GSK3B: variants seen among roughly 807,000 people sequenced by gnomAD.
GSK3B encodes the protein glycogen synthase kinase 3 beta.
In GSK3B, 15 loss-of-function variants were observed where a neutral mutation model predicts 56.4. That is an observed-to-expected ratio of 0.27 (90% CI 0.18 to 0.41). The LOEUF is 0.41. Among genes scored for constraint, GSK3B ranks in the 10% least tolerant of loss-of-function variants. The pLI is 1.00. For missense variants in GSK3B, 300 were observed against 513.4 expected, an observed-to-expected ratio of 0.58 and a Z score of 4.02; for synonymous variants, 181 against 188.9, an observed-to-expected ratio of 0.96 and a Z score of 0.34.
chr3:119,993,295 G>A (rs906537626), intron 2 of GSK3B, among the ~76,000 whole-genome samples: 2 of 151,986 alleles, frequency 1.3e-5, no homozygotes, highest in African/African-American at 4.8e-5. Context: ...CTAGATTTCT[G>A]ACTTTTGGAA....
chr3:119,902,657 A>T (rs1474263119), intron 7 of GSK3B, among the ~76,000 whole-genome samples: 1 of 152,156 alleles, frequency 6.6e-6, no homozygotes, highest in Non-Finnish European at 1.5e-5. Flanking sequence ...TCGGCCTCCC[A>T]AAGTGTTGGG....
Position 120,093,560 on chromosome 3 carries a change from C to T in GSK3B, c.-126G>A, listed in dbSNP as rs2058533069. 1 of 638,938 alleles carries T rather than the reference C, an allele frequency of 1.6e-6. No homozygotes were observed. The highest frequency in any genetic ancestry group is 1.9e-5 in the South Asian group (1 of 53,806). The allele number at this position is 638,938 out of a possible 1,614,324, so 39.6% of individuals were successfully genotyped here. A position where few individuals can be genotyped will look rare whatever the true frequency, so the allele number is the denominator to read the frequency against. ...CTCCCACAGAAGAAAAAGAAAAAGACTTCGTCCTCTTGGCTTTTCACTCCT... is the reference window on the plus strand; with the variant it reads ...CTCCCACAGAAGAAAAAGAAAAAGATTTCGTCCTCTTGGCTTTTCACTCCT... On this transcript the variant is annotated 5_prime_UTR_variant, in exon 1 of 11. Coordinates refer to ENST00000264235, the MANE Select transcript of GSK3B (RefSeq NM_001146156.2).
chr3:120,028,360 C>T, intron 1 of GSK3B, among the ~76,000 whole-genome samples: 1 of 152,192 alleles, frequency 6.6e-6, no homozygotes, highest in Non-Finnish European at 1.5e-5. Flanking sequence ...ACAGATTTAC[C>T]TCACGAGAAA....
At chr3:120,090,231 A>AT (rs1491584085) in intron 1 of GSK3B, among the ~76,000 whole-genome samples, 1 of 38,492 alleles carries the variant, frequency 2.6e-5, no homozygotes, top group Non-Finnish European at 4.0e-5. Flanking sequence ...AGCTGTATAT[A>AT]AAAAAAAAAA....
chr3:119,966,755 T>C (rs956580122), intron 2 of GSK3B, among the ~76,000 whole-genome samples: 3 of 152,200 alleles, frequency 2.0e-5, no homozygotes, highest in Non-Finnish European at 4.4e-5. Context: ...TTATAAAATG[T>C]AACCTATCTT....
At chr3:119,953,127 T>C (rs1318788323) in intron 2 of GSK3B, among the ~76,000 whole-genome samples, 1 of 152,154 alleles carries the variant, frequency 6.6e-6, no homozygotes, top group Non-Finnish European at 1.5e-5. Flanking sequence ...AGGTCAGTAT[T>C]AACCTAAAGT....
chr3:119,827,723 CAGAG>C (rs903475254), intron 10 of GSK3B, among the ~76,000 whole-genome samples: 8 of 151,292 alleles, frequency 5.3e-5, no homozygotes, highest in African/African-American at 1.7e-4. Flanking sequence ...ATAAGCCAGA[CAGAG>C]AAAGACAAAC....
intron 2 of GSK3B, among the ~76,000 whole-genome samples, chr3:119,950,610 T>C (rs1046734386): frequency 7.2e-5 from 11 of 152,126 alleles, no homozygotes; most frequent in African/African-American, 2.7e-4. Flanking sequence ...CACAGGGTCC[T>C]AAGGGGTTAG....
chr3:120,046,606 T>C (rs2058105030), intron 1 of GSK3B, among the ~76,000 whole-genome samples: 3 of 151,830 alleles, frequency 2.0e-5, no homozygotes, highest in Admixed American at 2.0e-4. Context: ...TTAATTTAAT[T>C]TTATTTATTT....
intron 1 of GSK3B, among the ~76,000 whole-genome samples, chr3:120,016,802 T>G (rs1399304183): frequency 6.6e-6 from 1 of 152,200 alleles, no homozygotes; most frequent in Non-Finnish European, 1.5e-5. Context: ...AGTCTGAACT[T>G]AAATATTATT....
chr3:119,988,500 G>A (rs951321371), intron 2 of GSK3B, among the ~76,000 whole-genome samples: 1 of 152,280 alleles, frequency 6.6e-6, no homozygotes, highest in African/African-American at 2.4e-5. Context: ...TTTTTACAAA[G>A]GCTTTAACTG....
chr3:119,915,259 A>G (rs993277533), intron 5 of GSK3B, among the ~76,000 whole-genome samples: 5 of 152,064 alleles, frequency 3.3e-5, no homozygotes, highest in African/African-American at 9.7e-5. Flanking sequence ...AAATGAAGAA[A>G]ACACTGCATT....
chr3:119,844,730 G>A lies in GSK3B; in HGVS notation c.1097-1377C>T, dbSNP rs548082274. 5.3e-5 allele frequency among the ~76,000 whole-genome samples: 8 copies of A among 151,264 alleles called. 1 individual carries two copies. In the South Asian group the frequency reaches 1.2e-3, roughly 24 times the overall value. On this transcript the variant is annotated intron_variant, in intron 9 of 10. Transcript: ENST00000264235. ...GATTCACAATTGAATTCTACCAGAGGTACAAAGAGGAGCTGGTACCATTCC... is the reference window on the plus strand; with the variant it reads ...GATTCACAATTGAATTCTACCAGAGATACAAAGAGGAGCTGGTACCATTCC...
chr3:119,973,373 T>C (rs1288819989), intron 2 of GSK3B, among the ~76,000 whole-genome samples: 1 of 152,216 alleles, frequency 6.6e-6, no homozygotes, highest in Non-Finnish European at 1.5e-5. Flanking sequence ...CCTCTATTTG[T>C]CCAGCACATC....
intron 7 of GSK3B, among the ~76,000 whole-genome samples, chr3:119,886,396 C>T (rs6765004): frequency 0.091 from 13,897 of 152,090 alleles, 782 homozygotes; most frequent in Non-Finnish European, 0.12. Flanking sequence ...ACAACAGATG[C>T]TGGTGAGGCT....
At chr3:120,006,178 A>G (rs906447576) in intron 1 of GSK3B, among the ~76,000 whole-genome samples, 2 of 152,216 alleles carry the variant, frequency 1.3e-5, no homozygotes, top group African/African-American at 4.8e-5. Flanking sequence ...GGGCCATTAC[A>G]TAATGGTAAA....
At chr3:120,005,096 C>A (rs1440713580) in intron 1 of GSK3B, among the ~76,000 whole-genome samples, 1 of 151,824 alleles carries the variant, frequency 6.6e-6, no homozygotes, top group East Asian at 1.9e-4. Flanking sequence ...CCTGATGAAG[C>A]TGAAAACCAG....
intron 2 of GSK3B, among the ~76,000 whole-genome samples, chr3:119,967,823 T>TCC: frequency 4.5e-5 from 4 of 88,274 alleles, no homozygotes; most frequent in African/African-American, 1.9e-4. Flanking sequence ...CCTCCCTTTC[T>TCC]CTCTTTCTCT....
Position 119,824,198 on chromosome 3 carries a change from A to G in GSK3B, c.*2590T>C, listed in dbSNP as rs151325099. 1.2e-3 allele frequency: 243 copies of G among 208,230 alleles called. 8 individuals carry two copies. The East Asian group carries it at 0.017, about 15-fold the overall frequency. The allele number at this position is 208,230 out of a possible 1,614,324, so 12.9% of individuals were successfully genotyped here. On this transcript the variant is annotated 3_prime_UTR_variant, in exon 11 of 11. Coordinates refer to ENST00000264235, the MANE Select transcript of GSK3B (RefSeq NM_001146156.2). ...ACACAGAAAGAAAATATAATGTACAAGCTTGAATTTGGTGAGGAGCTTTTT... is the reference window on the plus strand; with the variant it reads ...ACACAGAAAGAAAATATAATGTACAGGCTTGAATTTGGTGAGGAGCTTTTT...
Sources: allele counts gnomAD v4.1 joint callset (sites outside exome capture counted in the v4.1 genomes callset), GRCh38; gene constraint gnomAD v4.1.1; transcripts MANE v1.5; gene names NCBI Gene and HGNC (gene_info 2026-07-23, HGNC 2026-07-21).